Variants in KLHL32 observed in about 807,000 individuals in gnomAD.
KLHL32 encodes kelch like family member 32.
KLHL32 carries 35 observed loss-of-function variants against 64.8 expected under a neutral mutation model. The observed-to-expected ratio is 0.54, with a 90% confidence interval of 0.41 to 0.72. The LOEUF is 0.72. Ranked by LOEUF, KLHL32 falls within the 30% of genes least tolerant of loss-of-function variation. KLHL32 has a pLI of 0.00. For synonymous variants in KLHL32, 259 were observed against 281.0 expected, an observed-to-expected ratio of 0.92 and a Z score of 0.78; for missense variants, 589 against 768.5, an observed-to-expected ratio of 0.77 and a Z score of 2.76.
At chr6:97,062,436 G>A (rs965274647) in intron 4 of KLHL32, 15 of 152,304 alleles carry the variant, frequency 9.8e-5, no homozygotes, top group African/African-American at 2.6e-4. Context: ...AGGAGTTGGC[G>A]AAAGACGGGT....
intron 8 of KLHL32, among the ~76,000 whole-genome samples, chr6:97,128,650 C>T (rs1220380056): frequency 3.3e-5 from 5 of 152,248 alleles, no homozygotes; most frequent in African/African-American, 1.2e-4. Flanking sequence ...CCATCTGCCA[C>T]AGAGCACATT....
intron 6 of KLHL32, among the ~76,000 whole-genome samples, chr6:97,109,162 C>A (rs1796796928): frequency 6.6e-6 from 1 of 152,134 alleles, no homozygotes; most frequent in South Asian, 2.1e-4. Context: ...TGACCAGAAA[C>A]CCCCGTGTAA....
At chr6:96,901,314 T>C in the KLHL32 span, among the ~76,000 whole-genome samples, 2 of 143,388 alleles carry the variant, frequency 1.4e-5, no homozygotes, top group South Asian at 4.7e-4. Context: ...CAGAGATATA[T>C]TCCTCCTGGA....
At position 97,123,028 on chromosome 6, in the gene KLHL32, C is replaced by T. The variant is rs78926189; in HGVS notation, c.1355-4376C>T. Among the ~76,000 whole-genome samples the T allele has an allele frequency of 3.9e-3, 589 of 152,318 alleles. 5 individuals are homozygous for T. The highest frequency in any genetic ancestry group is 0.014 in the African/African-American group (570 of 41,572). On this transcript the variant is annotated intron_variant, in intron 7 of 10. Coordinates refer to ENST00000369261, the MANE Select transcript of KLHL32 (RefSeq NM_052904.4). ...GTGGGGATCAGTTCTTTGCATCCCA[C>T]TCTGTCCTGGTAGTGCGTTAGCACT...
At chr6:96,986,585 C>T (rs911819791) in intron 3 of KLHL32, among the ~76,000 whole-genome samples, 3 of 152,196 alleles carry the variant, frequency 2.0e-5, no homozygotes, top group African/African-American at 7.2e-5. Flanking sequence ...GCGCCCCTCC[C>T]CCAGCCTGGC....
In KLHL32 at chr6:96,981,265, A is replaced by T. The variant is rs1776276315; in HGVS notation, c.204+5088A>T. Among the ~76,000 whole-genome samples, 4 of 152,226 alleles carry T rather than the reference A, an allele frequency of 2.6e-5. No individual in the cohort carries two copies. The South Asian group carries it at 8.3e-4, about 32-fold the overall frequency. Reference sequence around the variant, plus strand: ...TCTTATTGGTCTGTACAGGGATTCAAATTTTTTCCTGGTTCAATTTGGGAG... The same window carrying T: ...TCTTATTGGTCTGTACAGGGATTCATATTTTTTCCTGGTTCAATTTGGGAG... On this transcript the variant is annotated intron_variant, in intron 3 of 10. Transcript: ENST00000369261.
At chr6:97,001,299 T>C (rs1224017681) in intron 3 of KLHL32, among the ~76,000 whole-genome samples, 1 of 152,190 alleles carries the variant, frequency 6.6e-6, no homozygotes, top group Non-Finnish European at 1.5e-5. Flanking sequence ...CTATACTTTC[T>C]ACTCAGTTTT....
chr6:97,115,208 G>T (rs1347589468), intron 7 of KLHL32, among the ~76,000 whole-genome samples: 2 of 152,124 alleles, frequency 1.3e-5, no homozygotes, highest in Admixed American at 6.5e-5. Context: ...TCAAGGCAGG[G>T]TTTCACTACA....
chr6:97,024,551 C>T lies in KLHL32; in HGVS notation c.205-16941C>T, dbSNP rs1293339774. ...TGTTACCTCTTTTTTAAATAGAAAGCTGAGAGCCTTCTAAAGAGCCATCAT... is the reference window on the plus strand; with the variant it reads ...TGTTACCTCTTTTTTAAATAGAAAGTTGAGAGCCTTCTAAAGAGCCATCAT... On this transcript the variant is annotated intron_variant, in intron 3 of 10. Transcript: ENST00000369261. Among the ~76,000 whole-genome samples the T allele has an allele frequency of 2.6e-5, 4 of 152,054 alleles. No homozygotes were observed. The East Asian group carries it at 5.8e-4, about 22-fold the overall frequency.
At chr6:97,032,332 T>C (rs574489777) in intron 3 of KLHL32, among the ~76,000 whole-genome samples, 1 of 152,336 alleles carries the variant, frequency 6.6e-6, no homozygotes, top group Admixed American at 6.5e-5. Flanking sequence ...TGTATTGATA[T>C]AAAATGATTA....
At chr6:97,009,425 C>T (rs1270277822) in intron 3 of KLHL32, among the ~76,000 whole-genome samples, 3 of 152,150 alleles carry the variant, frequency 2.0e-5, no homozygotes, top group African/African-American at 7.2e-5. Context: ...GCACCTAAAA[C>T]TCTCTTCACT....
chr6:97,060,460 C>T (rs1788692762), intron 4 of KLHL32, among the ~76,000 whole-genome samples: 1 of 152,164 alleles, frequency 6.6e-6, no homozygotes, highest in Admixed American at 6.5e-5. Flanking sequence ...AGTCCCAGCT[C>T]CACCCTCCCA....
chr6:97,058,658 G>T (rs1407734422), intron 4 of KLHL32, among the ~76,000 whole-genome samples: 1 of 152,166 alleles, frequency 6.6e-6, no homozygotes, highest in African/African-American at 2.4e-5. Context: ...GAAATCTATT[G>T]TTTTTCTGAT....
chr6:97,138,389 A>AT (rs1800293222), intron 10 of KLHL32, among the ~76,000 whole-genome samples: 1 of 152,086 alleles, frequency 6.6e-6, no homozygotes, highest in African/African-American at 2.4e-5. Flanking sequence ...AAATTTACAG[A>AT]TTAGCTAGGC....
chr6:97,095,364 T>G (rs907504105), intron 6 of KLHL32, among the ~76,000 whole-genome samples: 3 of 152,202 alleles, frequency 2.0e-5, no homozygotes, highest in African/African-American at 7.2e-5. Context: ...TTTATCAGGT[T>G]TGCCAGGTCC....
At chr6:96,932,566 C>CG (rs1378825198) in intron 1 of KLHL32, among the ~76,000 whole-genome samples, 2 of 63,548 alleles carry the variant, frequency 3.1e-5, no homozygotes, top group Non-Finnish European at 5.4e-5. Context: ...TGTCAATTTC[C>CG]CCCCCCCCCT....
intron 10 of KLHL32, among the ~76,000 whole-genome samples, chr6:97,133,471 T>G (rs1799654874): frequency 1.3e-5 from 2 of 152,268 alleles, no homozygotes; most frequent in Admixed American, 6.5e-5. Context: ...TTATAACTAC[T>G]TTTATTATCT....
intron 1 of KLHL32, among the ~76,000 whole-genome samples, chr6:96,956,742 T>G (rs1773323550): frequency 6.6e-6 from 1 of 152,238 alleles, no homozygotes; most frequent in Non-Finnish European, 1.5e-5. Flanking sequence ...CATTTAATTC[T>G]TATAATGTTC....
intron 3 of KLHL32, among the ~76,000 whole-genome samples, chr6:96,992,321 C>T (rs1777978714): frequency 6.6e-6 from 1 of 152,248 alleles, no homozygotes. Flanking sequence ...TGTGGGGGGC[C>T]TCCCCTGGCT....
Sources: gnomAD v4.1 joint callset for allele counts (sites outside exome capture counted in the v4.1 genomes callset) on GRCh38, gnomAD v4.1.1 for gene constraint, MANE v1.5 for transcripts, NCBI Gene and HGNC (gene_info 2026-07-23, HGNC 2026-07-21) for gene names.